LOX: variants seen among roughly 807,000 people sequenced by gnomAD.
LOX encodes protein-lysine 6-oxidase.
LOX carries 12 observed loss-of-function variants against 50.5 expected under a neutral mutation model. The observed-to-expected ratio is 0.24, with a 90% CI of 0.15 to 0.38. The LOEUF is 0.38. Among genes scored for constraint, LOX ranks in the 10% least tolerant of loss-of-function variants. The pLI is 1.00. For synonymous variants in LOX, 254 were observed against 230.6 expected (o/e 1.10, Z -0.92); for missense variants, 504 against 563.8 (o/e 0.89, Z 1.07).
In LOX at chr5:122,070,525, G is replaced by T; in HGVS notation, c.1100C>A (p.Thr367Lys). 1 of 1,607,342 alleles carries T rather than the reference G, an allele frequency of 6.2e-7. No individual in the cohort carries two copies. The highest frequency in any genetic ancestry group is 8.5e-7 in the Non-Finnish European group (1 of 1,174,944). ...ADIDCQWIDI[T>K]DVKPGNYILK... ...GATATAGTTTCCAGGTTTTACATCTGTAATATCAATCCACTGGCAGTCTAT... is the reference window on the plus strand; with the variant it reads ...GATATAGTTTCCAGGTTTTACATCTTTAATATCAATCCACTGGCAGTCTAT... The change falls in exon 5 of 7, where the codon ACA becomes AAA. Residue 367 changes from threonine to lysine, a missense_variant. Physicochemically the swap from Thr to Lys is moderately conservative, Grantham distance 78. Transcript: ENST00000231004.
intron 4 of LOX, among the ~76,000 whole-genome samples, chr5:122,071,274 A>G (rs992445159): frequency 9.9e-5 from 15 of 151,976 alleles, no homozygotes; most frequent in Non-Finnish European, 1.6e-4. Context: ...CATTTTATAG[A>G]TGAGAAAACT....
At position 122,077,591 on chromosome 5, in the gene LOX, G is replaced by T. The variant is rs141394149; in HGVS notation, c.395C>A (p.Ser132Tyr). 6.2e-7 allele frequency: 1 copy of T among 1,612,544 alleles called. No homozygotes were observed. The highest frequency in any genetic ancestry group is 2.2e-5 in the East Asian group (1 of 44,870). The change falls in exon 1 of 7, where the codon TCT becomes TAT. Residue 132 changes from serine to tyrosine, a missense_variant. Physicochemically the swap from Ser to Tyr is moderately radical, Grantham distance 144. Around this residue, in one of 2 missense-constraint regions of LOX, gnomAD observed 398 missense variants for 365.8 expected, o/e 1.09. Coordinates refer to ENST00000231004, the MANE Select transcript of LOX (RefSeq NM_002317.7). The surrounding 1 kb of genome is among the most constrained non-coding windows in gnomAD (Gnocchi z 4.9). Reference protein sequence around the residue: ...RHWFQAGYSTSRAREAGASRA... With the variant: ...RHWFQAGYSTYRAREAGASRA... The stretch of plus-strand genomic sequence containing the variant: ...CGAGGCGCCAGCTTCGCGGGCTCTA[G>T]ATGTCGAGTAGCCAGCTTGGAACCA...
chr5:122,068,903 T>C (rs772899736), intron 6 of LOX, among the ~76,000 whole-genome samples: 8 of 152,020 alleles, frequency 5.3e-5, no homozygotes, highest in Middle Eastern at 3.4e-3. Flanking sequence ...GTGCAAATTA[T>C]TTTAGCTTAA....
chr5:122,076,272 C>T (rs1754627619), intron 2 of LOX, among the ~76,000 whole-genome samples: 2 of 152,180 alleles, frequency 1.3e-5, no homozygotes, highest in Non-Finnish European at 2.9e-5. Flanking sequence ...CCTTATTTTA[C>T]ACTTTAAATT....
chr5:122,069,062 T>C (rs1754381649), intron 6 of LOX, among the ~76,000 whole-genome samples: 3 of 152,092 alleles, frequency 2.0e-5, no homozygotes, highest in Admixed American at 1.3e-4. Context: ...GTGCTATCCT[T>C]TTGCTATCAC....
chr5:122,074,450 G>T (rs1754555235), intron 3 of LOX, among the ~76,000 whole-genome samples: 1 of 152,018 alleles, frequency 6.6e-6, no homozygotes, highest in South Asian at 2.1e-4. Flanking sequence ...AAATAGAAAT[G>T]GACAATAAAT....
At position 122,063,794 on chromosome 5, in the gene LOX, T is replaced by C. The variant is rs934026519; in HGVS notation, c.*2949A>G. The C allele has an allele frequency of 6.6e-6, 1 of 151,972 alleles. No homozygotes were observed. The highest frequency in any genetic ancestry group is 2.4e-5 in the African/African-American group (1 of 41,436). 9.4% of individuals were successfully genotyped at this position (151,972 alleles called of 1,614,324 possible). On this transcript the variant is annotated 3_prime_UTR_variant, in exon 7 of 7. Coordinates refer to ENST00000231004, the MANE Select transcript of LOX (RefSeq NM_002317.7). ...TTAACTCTCAGTGCCAGGAAAATTT[T>C]AATGAATTGCATTTCTTCTAGAATC...
rs1455877803 is a variant in LOX at position 122,063,353 on chromosome 5, A to C, written c.*3390T>G. 6.6e-6 allele frequency: 1 copy of C among 151,942 alleles called. No homozygotes were observed. Among genetic ancestry groups the C allele is most frequent in the East Asian group, 1.9e-4 (1 of 5,184 alleles). 9.4% of individuals were successfully genotyped at this position (151,942 alleles called of 1,614,324 possible). On this transcript the variant is annotated 3_prime_UTR_variant, in exon 7 of 7. Transcript: ENST00000231004. ...AAAAAAGTTACACGTCTTACAAATA[A>C]CATTCCTGAAAAATTTGGGAGAAGC...
intron 4 of LOX, among the ~76,000 whole-genome samples, chr5:122,072,852 G>A (rs1313300612): frequency 6.6e-6 from 1 of 152,182 alleles, no homozygotes; most frequent in Non-Finnish European, 1.5e-5. Flanking sequence ...TTCAGAGTGA[G>A]CTGTCCAGAG....
Position 122,070,563 on chromosome 5 carries a change from G to C in LOX, c.1062C>G (p.Thr354=). The change falls in exon 5 of 7, where the codon ACC becomes ACG. Residue 354 remains threonine, a synonymous_variant. Coordinates refer to ENST00000231004, the MANE Select transcript of LOX (RefSeq NM_002317.7). ...ACTGGCAGTCTATGTCTGCACCATA[G>C]GTATCATAACAGCCAGGACTCAATC... ...TQGLSPGCYD[T]YGADIDCQWI... 1.2e-6 allele frequency: 2 copies of C among 1,605,302 alleles called. No homozygotes were observed. Among genetic ancestry groups the C allele is most frequent in the Non-Finnish European group, 1.7e-6 (2 of 1,173,944 alleles).
chr5:122,073,678 C>G (rs1403656584), intron 4 of LOX, among the ~76,000 whole-genome samples: 1 of 152,114 alleles, frequency 6.6e-6, no homozygotes, highest in Non-Finnish European at 1.5e-5. Context: ...AACAAGGACC[C>G]ACACTGACCT....
Position 122,077,668 on chromosome 5 carries a change from C to A in LOX, c.318G>T (p.Thr106=), listed in dbSNP as rs201057470. 2 of 1,604,352 alleles carry A rather than the reference C, an allele frequency of 1.2e-6. No individual in the cohort carries two copies. Among genetic ancestry groups the A allele is most frequent in the Admixed American group, 3.4e-5 (2 of 59,254 alleles). ...DNRTAAARTR[T]AGSSGVTAGR... The stretch of plus-strand genomic sequence containing the variant: ...CAGCGGTGACTCCAGATGAGCCGGC[C>A]GTCCGCGTTCGCGCCGCGGCGGTGC... The change falls in exon 1 of 7, where the codon ACG becomes ACT. Residue 106 remains threonine, a synonymous_variant. Coordinates refer to ENST00000231004, the MANE Select transcript of LOX (RefSeq NM_002317.7). This position sits in a 1 kb window ranked among gnomAD's most constrained non-coding sequence, Gnocchi z 4.9.
At chr5:122,073,711 T>G (rs893566328) in intron 4 of LOX, among the ~76,000 whole-genome samples, 5 of 152,202 alleles carry the variant, frequency 3.3e-5, no homozygotes, top group Admixed American at 2.6e-4. Context: ...AGGGGCCACA[T>G]GCATAACTGG....
intron 4 of LOX, among the ~76,000 whole-genome samples, chr5:122,073,036 A>C (rs1300800960): frequency 1.3e-5 from 2 of 152,184 alleles, no homozygotes; most frequent in Non-Finnish European, 2.9e-5. Flanking sequence ...TTCCCCCTCC[A>C]ATTGCTATGA....
In LOX at chr5:122,076,936, T is replaced by C. The variant is rs764007081; in HGVS notation, c.697A>G (p.Met233Val). 6.0e-5 allele frequency: 97 copies of C among 1,613,626 alleles called. No homozygotes were observed. The highest frequency in any genetic ancestry group is 8.1e-5 in the Non-Finnish European group (96 of 1,179,956). The change falls in exon 2 of 7, where the codon ATG becomes GTG. Residue 233 changes from methionine (M) to valine (V), a missense_variant. Transcript: ENST00000231004. ...QASTYVQKMSMYNLRCAAEEN... is the reference protein window; with the variant it reads ...QASTYVQKMSVYNLRCAAEEN... ...TCCGCCGCGCATCTCAGGTTGTACA[T>C]GGACATCTTCTGCACGTACGTGGAC...
chr5:122,078,221 G>A lies in LOX; in HGVS notation c.-236C>T, dbSNP rs1314999600. The A allele has an allele frequency of 2.4e-6, 1 of 415,444 alleles. No homozygotes were observed. The highest frequency in any genetic ancestry group is 4.2e-6 in the Non-Finnish European group (1 of 239,772). 25.7% of individuals were successfully genotyped at this position (415,444 alleles called of 1,614,324 possible). ...CCCTTTCTCAGTCCTGGAAGGCAAC[G>A]GGGAGCGGCGCGGCAGTCCCGGAGA... On this transcript the variant is annotated 5_prime_UTR_variant, in exon 1 of 7. Coordinates refer to ENST00000231004, the MANE Select transcript of LOX (RefSeq NM_002317.7).
In LOX at chr5:122,070,071, G is replaced by A; in HGVS notation, c.1229C>T (p.Ser410Leu). ...CACTTACGGTGAAATTGTGCAGCCT[G>A]AGGCATACGCATGATGTCCTGTGTA... ...IRYTGHHAYA[S>L]GCTISPY The change falls in exon 6 of 7, where the codon TCA becomes TTA. Residue 410 changes from serine (S) to leucine (L), a missense_variant. Around this residue, in one of 2 missense-constraint regions of LOX, gnomAD observed 106 missense variants for 198.1 expected, o/e 0.54. Transcript: ENST00000231004. The A allele has an allele frequency of 6.2e-7, 1 of 1,611,280 alleles. No homozygotes were observed. The highest frequency in any genetic ancestry group is 8.5e-7 in the Non-Finnish European group (1 of 1,177,642).
At position 122,078,093 on chromosome 5, in the gene LOX, A is replaced by G. The variant is rs2152591858; in HGVS notation, c.-108T>C. 1 of 1,077,958 alleles carries G rather than the reference A, an allele frequency of 9.3e-7. No homozygotes were observed. Among genetic ancestry groups the G allele is most frequent in the African/African-American group, 1.7e-5 (1 of 59,600 alleles). The allele number at this position is 1,077,958 out of a possible 1,614,324, so 66.8% of individuals were successfully genotyped here. On this transcript the variant is annotated 5_prime_UTR_variant, in exon 1 of 7. Coordinates refer to ENST00000231004, the MANE Select transcript of LOX (RefSeq NM_002317.7). ...GGAGAAATCTTCAACCAAGGAGGCG[A>G]GCGGAGCACGGGTATCTCAGTCTCC...
At chr5:122,074,963 T>A (rs1754574552) in intron 3 of LOX, among the ~76,000 whole-genome samples, 1 of 152,234 alleles carries the variant, frequency 6.6e-6, no homozygotes, top group Non-Finnish European at 1.5e-5. Flanking sequence ...TACAGGTCTT[T>A]TAAAAGATGG....
Sources: gnomAD v4.1 joint callset for allele counts (sites outside exome capture counted in the v4.1 genomes callset) on GRCh38, gnomAD v4.1.1 for gene constraint, gnomAD v4.1.1 regional missense constraint, Gnocchi (gnomAD v3.1) non-coding constraint, MANE v1.5 for transcripts, NCBI Gene and HGNC (gene_info 2026-07-23, HGNC 2026-07-21) for gene names.